SRRM2: variants seen among roughly 807,000 people sequenced by gnomAD.
The protein encoded by SRRM2 is serine/arginine repetitive matrix protein 2.
Under a neutral mutation model 213.8 loss-of-function variants are expected in SRRM2, and 30 were observed. That is an observed-to-expected ratio of 0.14 (90% CI 0.10 to 0.19). The LOEUF is 0.19. SRRM2 is among the 10% of genes least tolerant of loss of function. The probability of loss-of-function intolerance (pLI) is 1.00; values close to 1 mark genes in which losing one functional copy is unlikely to be tolerated. For synonymous variants in SRRM2, 2,025 were observed against 1,377.7 expected, an observed-to-expected ratio of 1.47 and a Z score of -10.40; for missense variants, 4,904 against 3,647.0, an observed-to-expected ratio of 1.34 and a Z score of -8.88.
chr16:2,771,078 G>C lies in SRRM2; in HGVS notation c.*211G>C, dbSNP rs1000705525. 7.2e-6 allele frequency: 4 copies of C among 555,990 alleles called. No homozygotes were observed. Among genetic ancestry groups the C allele is most frequent in the Admixed American group, 6.3e-5 (2 of 31,904 alleles). 34.4% of individuals were successfully genotyped at this position (555,990 alleles called of 1,614,324 possible). A position where few individuals can be genotyped will look rare whatever the true frequency, so the allele number is the denominator to read the frequency against. ...AGTTCTTCCTGGTTCATGTGTTCTG[G>C]GGGGTTTGGGGTGGGAGGGAATGCA... On this transcript the variant is annotated 3_prime_UTR_variant, in exon 15 of 15. Transcript: ENST00000301740.
At position 2,761,832 on chromosome 16, in the gene SRRM2, G is replaced by A. The variant is rs114899013; in HGVS notation, c.1304G>A (p.Ser435Asn). Residue 435 changes from serine (S) to asparagine (N), a missense_variant, in exon 11 of 15, where the codon AGC becomes AAC. Ser to Asn is a conservative substitution (Grantham distance 46). Transcript: ENST00000301740. ...PQPTKVSRHASSSPESPKPAP... is the reference protein window; with the variant it reads ...PQPTKVSRHANSSPESPKPAP... ...CCTACCAAAGTTTCTCGGCATGCCA[G>A]CTCTTCCCCAGAAAGTCCTAAACCT... is the stretch of plus-strand genomic sequence containing the variant. The A allele has an allele frequency of 1.2e-6, 2 of 1,613,476 alleles. No homozygotes were observed. Among genetic ancestry groups the A allele is most frequent in the Non-Finnish European group, 1.7e-6 (2 of 1,180,014 alleles).
intron 11 of SRRM2, 49 bp from the exon 12 acceptor site, chr16:2,768,948 T>C: frequency 6.2e-7 from 1 of 1,608,440 alleles, no homozygotes; most frequent in Non-Finnish European, 8.5e-7. Context: ...GAAGGTAGGG[T>C]TGGGGCTGGG....
chr16:2,765,282 T>G lies in SRRM2; in HGVS notation c.4754T>G (p.Val1585Gly). The change falls in exon 11 of 15, where the codon GTT becomes GGT. Residue 1585 changes from valine to glycine, a missense_variant. Physicochemically the swap from Val to Gly is moderately radical, Grantham distance 109. Transcript: ENST00000301740. Reference protein sequence around the residue: ...QRSRSGSSPEVDSKSRLSPRR... With the variant: ...QRSRSGSSPEGDSKSRLSPRR... ...AGTCGGTCTGGATCATCTCCAGAGG[T>G]TGACAGCAAATCTCGACTATCCCCT... 2 of 1,614,030 alleles carry G rather than the reference T, an allele frequency of 1.2e-6. No homozygotes were observed. The highest frequency in any genetic ancestry group is 1.7e-6 in the Non-Finnish European group (2 of 1,179,984).
rs368434503 is a variant in SRRM2 at position 2,767,624 on chromosome 16, C to T, written c.7096C>T (p.Leu2366Phe). ...CGCCGCAGCCTTGGCCCCCGCGAGC[C>T]TCACCAGTGCTAGGATGGCTCCAGC... ...RTAAALAPAS[L>F]TSARMAPALS... The change falls in exon 11 of 15, where the codon CTC becomes TTC. Residue 2366 changes from leucine (L) to phenylalanine (F), a missense_variant. By Grantham distance (22) the Leu-to-Phe change is conservative (BLOSUM62 0). Coordinates refer to ENST00000301740, the MANE Select transcript of SRRM2 (RefSeq NM_016333.4). 2 of 1,614,092 alleles carry T rather than the reference C, an allele frequency of 1.2e-6. No individual in the cohort carries two copies. The highest frequency in any genetic ancestry group is 3.3e-5 in the Admixed American group (2 of 60,010).
In SRRM2 at chr16:2,765,412, C is replaced by G; in HGVS notation, c.4884C>G (p.Ala1628=). 1 of 1,614,164 alleles carries G rather than the reference C, an allele frequency of 6.2e-7. No individual in the cohort carries two copies. Among genetic ancestry groups the G allele is most frequent in the Non-Finnish European group, 8.5e-7 (1 of 1,180,026 alleles). ...SDSSPEPKAP[A]PRALPRRSRS... is the part of the protein sequence containing the mutation. ...CCTCTCCTGAACCTAAAGCTCCAGC[C>G]CCTCGGGCCCTTCCCAGACGAAGCA... The change falls in exon 11 of 15, where the codon GCC becomes GCG. Residue 1628 remains alanine, a synonymous_variant. Transcript: ENST00000301740.
At position 2,767,078 on chromosome 16, in the gene SRRM2, G is replaced by T; in HGVS notation, c.6550G>T (p.Ala2184Ser). ...ENHAQSRIAL[A>S]LTAISLGTAR... is the part of the protein sequence containing the mutation. ...TCATGCTCAGTCCAGGATTGCACTT[G>T]CCCTGACAGCTATCAGTCTTGGCAC... Residue 2184 changes from alanine (A) to serine (S), a missense_variant, in exon 11 of 15, where the codon GCC (alanine) becomes TCC (serine). Physicochemically the swap from Ala to Ser is moderately conservative, Grantham distance 99 (BLOSUM62 1). Coordinates refer to ENST00000301740, the MANE Select transcript of SRRM2 (RefSeq NM_016333.4). The T allele has an allele frequency of 6.2e-7, 1 of 1,614,160 alleles. No homozygotes were observed. The highest frequency in any genetic ancestry group is 8.5e-7 in the Non-Finnish European group (1 of 1,180,026).
At chr16:2,753,307 G>C (rs1479124415) in intron 1 of SRRM2, 3 of 152,276 alleles carry the variant, frequency 2.0e-5, no homozygotes, top group Admixed American at 6.5e-5. Context: ...CCGTGTCGGG[G>C]GCCTCCCAGA....
Position 2,764,987 on chromosome 16 carries a change from A to C in SRRM2, c.4459A>C (p.Lys1487Gln). 1 of 1,614,028 alleles carries C rather than the reference A, an allele frequency of 6.2e-7. No homozygotes were observed. The highest frequency in any genetic ancestry group is 8.5e-7 in the Non-Finnish European group (1 of 1,180,008). Reference protein sequence around the residue: ...RSECDSSPEPKALPQTPRPRS... With the variant: ...RSECDSSPEPQALPQTPRPRS... ...CGAATGTGATTCTTCCCCAGAACCG[A>C]AAGCTTTGCCTCAGACTCCTAGGCC... Residue 1487 changes from lysine to glutamine, a missense_variant, in exon 11 of 15, where the codon AAA becomes CAA. Coordinates refer to ENST00000301740, the MANE Select transcript of SRRM2 (RefSeq NM_016333.4).
At chr16:2,757,350 G>A (rs2068180612) in intron 2 of SRRM2, 122 bp from the exon 3 acceptor site, 2 of 721,278 alleles carry the variant, frequency 2.8e-6, no homozygotes, top group Non-Finnish European at 4.8e-6. Flanking sequence ...ACTTTTGGGT[G>A]AGCGAAAAGT....
At chr16:2,769,474 C>A in intron 12 of SRRM2, 190 bp downstream of exon 12, 1 of 672,836 alleles carries the variant, frequency 1.5e-6, no homozygotes, top group Non-Finnish European at 2.5e-6. Flanking sequence ...GCGCCATCCA[C>A]AGCGGCGCTC....
In SRRM2 at chr16:2,765,514, G is replaced by C; in HGVS notation, c.4986G>C (p.Pro1662=). ...GTACCGAGTCCTCTCCTGAACATCC[G>C]CCCAAATCCAGAACTGCTCGCAGAG... ...SSSTESSPEH[P]PKSRTARRGS... The change falls in exon 11 of 15, where the codon CCG becomes CCC. Residue 1662 remains proline, a synonymous_variant. Coordinates refer to ENST00000301740, the MANE Select transcript of SRRM2 (RefSeq NM_016333.4). The C allele has an allele frequency of 9.9e-6, 16 of 1,614,054 alleles. No individual in the cohort carries two copies. The African/African-American group carries it at 1.6e-4, about 16-fold the overall frequency.
chr16:2,762,882 G>T lies in SRRM2; in HGVS notation c.2354G>T (p.Cys785Phe), dbSNP rs745641722. ...LRRSLSGSSP[C>F]PKQKSQTPPR... The stretch of plus-strand genomic sequence containing the variant: ...CGCAGCCTTTCAGGGTCTTCCCCAT[G>T]CCCTAAACAAAAGTCACAGACACCA... The change falls in exon 11 of 15, where the codon TGC (cysteine) becomes TTC (phenylalanine). Residue 785 changes from cysteine to phenylalanine, a missense_variant. Coordinates refer to ENST00000301740, the MANE Select transcript of SRRM2 (RefSeq NM_016333.4). 6.2e-7 allele frequency: 1 copy of T among 1,614,102 alleles called. No homozygotes were observed. The highest frequency in any genetic ancestry group is 8.5e-7 in the Non-Finnish European group (1 of 1,180,024).
intron 11 of SRRM2, chr16:2,768,641 T>A: frequency 1.6e-6 from 1 of 632,868 alleles, no homozygotes; most frequent in Non-Finnish European, 2.9e-6. Context: ...GGACGGCCCC[T>A]TCCCCAGCCA....
intron 12 of SRRM2, chr16:2,769,625 C>T (rs1191973131): frequency 6.8e-6 from 4 of 589,496 alleles, no homozygotes; most frequent in South Asian, 1.5e-5. Flanking sequence ...ACTCTGTCCA[C>T]AGCCTCCTCC....
chr16:2,768,397 G>T, intron 11 of SRRM2, 136 bp downstream of exon 11: 1 of 993,522 alleles, frequency 1.0e-6, no homozygotes, highest in Middle Eastern at 2.7e-4. Context: ...CAAGCTGGGG[G>T]TAGAAGAGAA....
At chr16:2,753,232 C>T (rs528488970) in intron 1 of SRRM2, among the ~76,000 whole-genome samples, 11 of 152,234 alleles carry the variant, frequency 7.2e-5, no homozygotes, top group South Asian at 6.2e-4. Context: ...GGGGGGCTTG[C>T]TCCTGGACCC....
chr16:2,757,305 G>A (rs1274845969), intron 2 of SRRM2, among the ~76,000 whole-genome samples, 167 bp from the exon 3 acceptor site: 1 of 152,086 alleles, frequency 6.6e-6, no homozygotes, highest in Non-Finnish European at 1.5e-5. Flanking sequence ...TAAGTAGAGG[G>A]AAGAAAGATG....
chr16:2,770,727 C>CT lies in SRRM2; in HGVS notation c.8249+11dup. ...GACACCGCTCCTCCAGGTGCGTGTC[C>CT]TGGAAGGCTGATGCCCCCTTCCGGG... On this transcript the variant is annotated intron_variant, in intron 14 of 14. Coordinates refer to ENST00000301740, the MANE Select transcript of SRRM2 (RefSeq NM_016333.4). The CT allele has an allele frequency of 6.4e-7, 1 of 1,574,364 alleles. No individual in the cohort carries two copies. Among genetic ancestry groups the CT allele is most frequent in the Non-Finnish European group, 8.6e-7 (1 of 1,157,608 alleles).
In SRRM2 at chr16:2,764,754, C is replaced by A. The variant is rs141353583; in HGVS notation, c.4226C>A (p.Ala1409Asp). 4 of 1,614,168 alleles carry A rather than the reference C, an allele frequency of 2.5e-6. No individual in the cohort carries two copies. Among genetic ancestry groups the A allele is most frequent in the Non-Finnish European group, 3.4e-6 (4 of 1,180,044 alleles). ...NQSISSPVLDAVPRTPSRERS... is the reference protein window; with the variant it reads ...NQSISSPVLDDVPRTPSRERS... ...AGCATCTCTTCACCTGTGCTTGATG[C>A]TGTACCCAGAACACCCTCGAGAGAA... Residue 1409 changes from alanine to aspartate, a missense_variant, in exon 11 of 15, where the codon GCT becomes GAT. Transcript: ENST00000301740.
Sources: allele counts gnomAD v4.1 joint callset (sites outside exome capture counted in the v4.1 genomes callset), GRCh38; gene constraint gnomAD v4.1.1; transcripts MANE v1.5; gene names NCBI Gene and HGNC (gene_info 2026-07-23, HGNC 2026-07-21).